The following RTN1 variants were observed in gnomAD, a reference collection of about 807,000 sequenced individuals.
The protein encoded by RTN1 is reticulon 1, also known as reticulon-1.
In RTN1, 25 loss-of-function variants were observed where a neutral mutation model predicts 65.5. That is an observed-to-expected ratio of 0.38 (90% CI 0.28 to 0.53). The LOEUF (loss-of-function observed/expected upper bound fraction) is 0.53. Ranked by LOEUF, RTN1 falls within the 20% of genes least tolerant of loss-of-function variation. The pLI is 0.79. For missense variants in RTN1, 983 were observed against 1,025.4 expected (o/e 0.96, Z 0.57); for synonymous variants, 471 against 447.6 (o/e 1.05, Z -0.66).
intron 1 of RTN1, among the ~76,000 whole-genome samples, chr14:59,864,462 T>C (rs750797049): frequency 9.2e-5 from 14 of 152,310 alleles, no homozygotes; most frequent in Non-Finnish European, 1.3e-4. Context: ...TTACTCTGTT[T>C]TGACCTTTTT....
At chr14:59,703,600 T>G (rs1272038548) in intron 3 of RTN1, among the ~76,000 whole-genome samples, 1 of 152,232 alleles carries the variant, frequency 6.6e-6, no homozygotes, top group African/African-American at 2.4e-5. Context: ...CAGGTATTTC[T>G]TTGTAGCAAT....
chr14:59,707,508 C>T (rs1377352019), intron 3 of RTN1, among the ~76,000 whole-genome samples: 1 of 152,172 alleles, frequency 6.6e-6, no homozygotes, highest in African/African-American at 2.4e-5. Flanking sequence ...GCTTTGTTCT[C>T]CACTCTCTCC....
intron 3 of RTN1, among the ~76,000 whole-genome samples, chr14:59,610,472 A>C (rs1437874322): frequency 6.6e-6 from 1 of 152,228 alleles, no homozygotes; most frequent in East Asian, 1.9e-4. Flanking sequence ...TCTCAGAATA[A>C]ACTCCATTAT....
At chr14:59,770,378 CAA>C (rs774086177) in intron 1 of RTN1, among the ~76,000 whole-genome samples, 2,167 of 53,626 alleles carry the variant, frequency 0.04, 101 homozygotes, top group African/African-American at 0.19. Context: ...AACTCTGCCT[CAA>C]AAAAAAAAAA....
At chr14:59,712,204 G>A (rs1716747117) in intron 3 of RTN1, among the ~76,000 whole-genome samples, 1 of 152,116 alleles carries the variant, frequency 6.6e-6, no homozygotes, top group African/African-American at 2.4e-5. Context: ...GAGGATTGTG[G>A]AGGGAGCCCC....
In RTN1 at chr14:59,607,400, C is replaced by T. The variant is rs143124571; in HGVS notation, c.1858G>A (p.Val620Met). The T allele has an allele frequency of 3.9e-5, 63 of 1,613,916 alleles. No homozygotes were observed. Among genetic ancestry groups the T allele is most frequent in the South Asian group, 9.9e-5 (9 of 91,070 alleles). Reference sequence around the variant, plus strand: ...GCCAGGTAGGCCACGACGCTCACCACGCTGAACTGGGTCAGGGAGAAGAGC... The same window carrying T: ...GCCAGGTAGGCCACGACGCTCACCATGCTGAACTGGGTCAGGGAGAAGAGC... ...LLLFSLTQFS[V>M]VSVVAYLALA... The change falls in exon 4 of 9, where the codon GTG (valine) becomes ATG (methionine). Residue 620 changes from valine (V) to methionine (M), a missense_variant. By Grantham distance (21) the Val-to-Met change is conservative (BLOSUM62 1). Transcript: ENST00000267484.
intron 1 of RTN1, among the ~76,000 whole-genome samples, chr14:59,771,458 C>G (rs1195380057): frequency 6.6e-6 from 1 of 152,166 alleles, no homozygotes; most frequent in African/African-American, 2.4e-5. Context: ...CTGTGAGTAC[C>G]ACAGAGGTAT....
chr14:59,711,373 C>CAA, intron 3 of RTN1, among the ~76,000 whole-genome samples: 1 of 152,306 alleles, frequency 6.6e-6, no homozygotes, highest in Middle Eastern at 3.4e-3. Context: ...CTGGGGTGAT[C>CAA]ACTCCAGGAA....
intron 3 of RTN1, among the ~76,000 whole-genome samples, chr14:59,657,692 G>A (rs1430314267): frequency 6.6e-6 from 1 of 152,204 alleles, no homozygotes; most frequent in Admixed American, 6.5e-5. Flanking sequence ...ACTGTGCCAT[G>A]AGGAATGGTG....
At chr14:59,681,478 A>G (rs1271541146) in intron 3 of RTN1, among the ~76,000 whole-genome samples, 1 of 152,156 alleles carries the variant, frequency 6.6e-6, no homozygotes, top group Non-Finnish European at 1.5e-5. Flanking sequence ...GATGAGTGTC[A>G]TATCAATTCC....
At chr14:59,791,603 C>T (rs555550404) in intron 1 of RTN1, among the ~76,000 whole-genome samples, 2 of 152,278 alleles carry the variant, frequency 1.3e-5, no homozygotes, top group Admixed American at 6.5e-5. Flanking sequence ...CACTCTCCTC[C>T]CAGCAGACAG....
At chr14:59,596,904 T>C (rs901179519) in intron 8 of RTN1, 117 bp from the exon 9 acceptor site, 4 of 767,042 alleles carry the variant, frequency 5.2e-6, no homozygotes, top group Non-Finnish European at 9.2e-6. Context: ...GAAGATATTA[T>C]AGTCTTTATG....
intron 1 of RTN1, among the ~76,000 whole-genome samples, chr14:59,753,551 T>C (rs970401663): frequency 3.3e-5 from 5 of 152,228 alleles, no homozygotes; most frequent in Non-Finnish European, 7.3e-5. Context: ...TCTAACTTAT[T>C]GAATTTAAAA....
At chr14:59,596,913 T>C in intron 8 of RTN1, 126 bp from the exon 9 acceptor site, 3 of 687,350 alleles carry the variant, frequency 4.4e-6, no homozygotes, top group Non-Finnish European at 7.8e-6. Context: ...ATAGTCTTTA[T>C]GTAAGTACAT....
At chr14:59,772,425 A>G (rs1043270039) in intron 1 of RTN1, among the ~76,000 whole-genome samples, 1 of 151,966 alleles carries the variant, frequency 6.6e-6, no homozygotes, top group African/African-American at 2.4e-5. Context: ...TCAGCATGCT[A>G]TTAGGTAATT....
intron 8 of RTN1, among the ~76,000 whole-genome samples, chr14:59,601,283 G>A (rs1383248817): frequency 2.0e-5 from 3 of 151,954 alleles, no homozygotes; most frequent in Admixed American, 2.0e-4. Context: ...TATCATCCAC[G>A]TGATGACTGT....
At chr14:59,793,825 A>G (rs1024302872) in intron 1 of RTN1, among the ~76,000 whole-genome samples, 25 of 152,194 alleles carry the variant, frequency 1.6e-4, no homozygotes, top group Admixed American at 9.8e-4. Context: ...CCCAACTCAT[A>G]TATACAAAAT....
At chr14:59,813,359 C>T (rs1886763398) in intron 1 of RTN1, among the ~76,000 whole-genome samples, 1 of 152,066 alleles carries the variant, frequency 6.6e-6, no homozygotes, top group African/African-American at 2.4e-5. Flanking sequence ...AAGCATCACT[C>T]CCAATTAGTT....
chr14:59,850,157 A>G (rs937506607), intron 1 of RTN1, among the ~76,000 whole-genome samples: 7 of 152,216 alleles, frequency 4.6e-5, no homozygotes, highest in African/African-American at 1.7e-4. Flanking sequence ...GTTGTCTTGT[A>G]GGACACTTCT....
Sources: allele counts gnomAD v4.1 joint callset (sites outside exome capture counted in the v4.1 genomes callset), GRCh38; gene constraint gnomAD v4.1.1; transcripts MANE v1.5; gene names NCBI Gene and HGNC (gene_info 2026-07-23, HGNC 2026-07-21).